Variants in FSD1L observed in about 807,000 individuals in gnomAD.
FSD1L encodes FSD1-like protein.
In FSD1L, 45 loss-of-function variants were observed where a neutral mutation model predicts 71.6. That is an observed-to-expected ratio of 0.63 (90% confidence interval 0.49 to 0.81). The LOEUF (loss-of-function observed/expected upper bound fraction) is 0.81. Ranked by LOEUF, FSD1L falls within the 30% of genes least tolerant of loss-of-function variation. The pLI is 0.00. For missense variants in FSD1L, 561 were observed against 618.1 expected (o/e 0.91, Z 0.98); for synonymous variants, 197 against 207.2 (o/e 0.95, Z 0.42).
intron 1 of FSD1L, among the ~76,000 whole-genome samples, chr9:105,460,065 A>G (rs1016947954): frequency 2.7e-4 from 41 of 152,346 alleles, no homozygotes; most frequent in African/African-American, 8.9e-4. Flanking sequence ...CAGAAATACT[A>G]TATCAGCCTT....
intron 3 of FSD1L, among the ~76,000 whole-genome samples, chr9:105,466,171 A>C (rs1358363953): frequency 2.6e-5 from 4 of 152,202 alleles, no homozygotes; most frequent in Admixed American, 2.6e-4. Flanking sequence ...AATAGGAATA[A>C]ATTTACCTAA....
At chr9:105,530,808 T>C (rs957745315) in intron 10 of FSD1L, 18 of 493,670 alleles carry the variant, frequency 3.6e-5, no homozygotes, top group Non-Finnish European at 6.1e-5. Context: ...CTTTGTTTTT[T>C]CAATTTAGTA....
At position 105,510,332 on chromosome 9, in the gene FSD1L, TC is replaced by T. The variant is rs142001152; in HGVS notation, c.895+1619del. 9.2e-3 allele frequency among the ~76,000 whole-genome samples: 1,404 copies of T among 152,286 alleles called. 22 individuals carry two copies. The highest frequency in any genetic ancestry group is 0.032 in the African/African-American group (1,345 of 41,554). On this transcript the variant is annotated intron_variant, in intron 9 of 13. Transcript: ENST00000481272. ...AGGGAGTTCCAGAATAAAGTTAGAC[TC>T]CTACATGGCCATGAGTCACAGATTT...
At chr9:105,496,454 A>T (rs112728621) in intron 7 of FSD1L, among the ~76,000 whole-genome samples, 33 of 152,128 alleles carry the variant, frequency 2.2e-4, no homozygotes, top group African/African-American at 7.5e-4. Context: ...TATGATTGGG[A>T]TTGCAATCAA....
At chr9:105,526,486 G>A (rs1835520395) in intron 10 of FSD1L, 1 of 1,612,242 alleles carries the variant, frequency 6.2e-7, no homozygotes, top group African/African-American at 1.3e-5. Context: ...AAAGCCGCAT[G>A]TCCATGAAGC....
chr9:105,540,784 A>G (rs1836562158), intron 13 of FSD1L, among the ~76,000 whole-genome samples: 1 of 152,100 alleles, frequency 6.6e-6, no homozygotes, highest in African/African-American at 2.4e-5. Flanking sequence ...GGTCTACTCA[A>G]TTTCAGGCTG....
Position 105,516,402 on chromosome 9 carries a change from C to T in FSD1L, c.1025+3466C>T, listed in dbSNP as rs144652899. 3.5e-3 allele frequency among the ~76,000 whole-genome samples: 528 copies of T among 152,266 alleles called. 5 individuals carry two copies. Among genetic ancestry groups the T allele is most frequent in the African/African-American group, 0.012 (496 of 41,552 alleles). ...CCCCGTGAATCCTGACTAGGAGACA[C>T]CTCCCAGTAGGTGCCGATAGATACC... On this transcript the variant is annotated intron_variant, in intron 10 of 13. Transcript: ENST00000481272.
At chr9:105,494,727 C>T (rs1589010538) in intron 7 of FSD1L, among the ~76,000 whole-genome samples, 1 of 152,160 alleles carries the variant, frequency 6.6e-6, no homozygotes, top group East Asian at 1.9e-4. Context: ...ACAGACAGGA[C>T]CTCAGCTGCA....
At chr9:105,481,725 G>T (rs931581656) in intron 6 of FSD1L, among the ~76,000 whole-genome samples, 3 of 151,774 alleles carry the variant, frequency 2.0e-5, no homozygotes, top group African/African-American at 7.3e-5. Context: ...TAATTTAAAC[G>T]TAGTCATAAT....
chr9:105,495,425 A>T (rs1191435422), intron 7 of FSD1L, among the ~76,000 whole-genome samples: 1 of 152,186 alleles, frequency 6.6e-6, no homozygotes, highest in Non-Finnish European at 1.5e-5. Flanking sequence ...TGACTAGGAT[A>T]GGGAACTCCC....
chr9:105,529,052 A>G (rs1835714306), intron 10 of FSD1L, among the ~76,000 whole-genome samples: 1 of 152,232 alleles, frequency 6.6e-6, no homozygotes. Context: ...AGAAATGCAA[A>G]TCAAAACCAC....
chr9:105,513,695 CTTTAAT>C (rs1834532521), intron 10 of FSD1L: 2 of 1,300,154 alleles, frequency 1.5e-6, no homozygotes, highest in Non-Finnish European at 2.1e-6. Flanking sequence ...ATTAAAAAAA[CTTTAAT>C]TTTATCTTTT....
intron 7 of FSD1L, among the ~76,000 whole-genome samples, chr9:105,500,422 G>A (rs1354394736): frequency 2.0e-5 from 3 of 152,174 alleles, no homozygotes; most frequent in Non-Finnish European, 2.9e-5. Context: ...GATGGCTGGA[G>A]TGGGCTGGGG....
upstream of FSD1L, among the ~76,000 whole-genome samples, chr9:105,447,157 C>G (rs62575093): frequency 0.27 from 40,914 of 151,122 alleles, 5,760 homozygotes; most frequent in Non-Finnish European, 0.31. Context: ...GAACCAGTCT[C>G]CGCTAAAAGT....
At chr9:105,484,633 TAATTA>T (rs1488675645) in intron 7 of FSD1L, 131 bp downstream of exon 7, 7 of 518,582 alleles carry the variant, frequency 1.3e-5, no homozygotes, top group Non-Finnish European at 2.1e-5. Flanking sequence ...AGCTAAGGAA[TAATTA>T]AATTTGCTAG....
chr9:105,446,711 C>T (rs1222950806), upstream of FSD1L, among the ~76,000 whole-genome samples: 1 of 139,086 alleles, frequency 7.2e-6, no homozygotes, highest in Non-Finnish European at 1.5e-5. Flanking sequence ...AGCACGTTAA[C>T]TTTTTTTTTT....
chr9:105,460,227 T>A (rs1040106111), intron 1 of FSD1L, among the ~76,000 whole-genome samples: 7 of 152,178 alleles, frequency 4.6e-5, no homozygotes, highest in Non-Finnish European at 1.0e-4. Context: ...CTTAGGCCAA[T>A]ACAGTTGAAA....
intron 7 of FSD1L, among the ~76,000 whole-genome samples, chr9:105,489,498 G>T (rs1173664837): frequency 6.6e-6 from 1 of 151,148 alleles, no homozygotes; most frequent in African/African-American, 2.5e-5. Flanking sequence ...GCAGTTTTAT[G>T]TTTTTTTATT....
chr9:105,532,884 CTAA>C (rs1564146884), intron 10 of FSD1L, among the ~76,000 whole-genome samples: 1 of 152,094 alleles, frequency 6.6e-6, no homozygotes, highest in East Asian at 1.9e-4. Flanking sequence ...TTGAAATTGT[CTAA>C]TAAGTCTGAT....
Sources: allele counts gnomAD v4.1 joint callset (sites outside exome capture counted in the v4.1 genomes callset), GRCh38; gene constraint gnomAD v4.1.1; transcripts MANE v1.5; gene names NCBI Gene and HGNC (gene_info 2026-07-23, HGNC 2026-07-21).